Variants in PRR5L observed in about 807,000 individuals in gnomAD.
PRR5L encodes proline-rich protein 5-like.
PRR5L carries 21 observed loss-of-function variants against 36.4 expected under a neutral mutation model. The observed-to-expected ratio is 0.58, with a 90% CI of 0.41 to 0.83. PRR5L has a LOEUF of 0.83. Ranked by LOEUF, PRR5L falls within the 40% of genes least tolerant of loss-of-function variation. The pLI, the probability that PRR5L is intolerant of heterozygous loss-of-function variation, is 0.00. For synonymous variants in PRR5L, 188 were observed against 197.0 expected (o/e 0.95, Z 0.38); for missense variants, 381 against 473.3 (o/e 0.80, Z 1.81).
In PRR5L at chr11:36,377,195, G is replaced by A. The variant is rs150012960; in HGVS notation, c.-125-23802G>A. 9.4e-3 allele frequency among the ~76,000 whole-genome samples: 1,436 copies of A among 152,336 alleles called. 22 individuals are homozygous for A. The highest frequency in any genetic ancestry group is 0.033 in the African/African-American group (1,373 of 41,586). On this transcript the variant is annotated intron_variant, in intron 1 of 8. Coordinates refer to ENST00000530639, the MANE Select transcript of PRR5L (RefSeq NM_001160167.2). The surrounding 1 kb of genome is among the most constrained non-coding windows in gnomAD (Gnocchi z 5.1). ...GGTCCCCCTTTTTCTGGAGGGAGGC[G>A]TGGGAGAGAAGGGCAGGGCAGGGAG...
chr11:36,407,621 G>C (rs543817189), intron 3 of PRR5L, among the ~76,000 whole-genome samples: 1 of 152,284 alleles, frequency 6.6e-6, no homozygotes, highest in African/African-American at 2.4e-5. Context: ...TAAACTTTTT[G>C]ATGGAGTATC....
rs147043805 is a variant in PRR5L at position 36,355,732 on chromosome 11, T to C, written c.-125-45265T>C. Among the ~76,000 whole-genome samples the C allele has an allele frequency of 2.2e-3, 334 of 151,778 alleles. 1 individual carries two copies. Among genetic ancestry groups the C allele is most frequent in the Middle Eastern group, 3.4e-3 (1 of 294 alleles). On this transcript the variant is annotated intron_variant, in intron 1 of 8. Transcript: ENST00000530639. ...GCCCAGCTATTTTTTTTAATTTTTT[T>C]TTAATTTTTTAGTAGAAATAGGGTT... is the stretch of plus-strand genomic sequence containing the variant.
At chr11:36,303,111 G>A (rs971240867) in intron 1 of PRR5L, among the ~76,000 whole-genome samples, 5 of 152,206 alleles carry the variant, frequency 3.3e-5, no homozygotes, top group African/African-American at 1.2e-4. Flanking sequence ...AGAAGGAAGT[G>A]GAGGGAAGCA....
Position 36,463,784 on chromosome 11 carries a change from T to G in PRR5L, c.*1048T>G, listed in dbSNP as rs1191300733. The G allele has an allele frequency of 6.6e-6, 1 of 152,288 alleles. No homozygotes were observed. The highest frequency in any genetic ancestry group is 1.5e-5 in the Non-Finnish European group (1 of 68,026). The allele number at this position is 152,288 out of a possible 1,614,324, so 9.4% of individuals were successfully genotyped here. A position where few individuals can be genotyped will look rare whatever the true frequency, so the allele number is the denominator to read the frequency against. ...TGGTTCAGGATAAAGAGATCCATGG[T>G]GGGCAGGGCTGTTAGGTCACAGAGC... On this transcript the variant is annotated 3_prime_UTR_variant, in exon 9 of 9. Transcript: ENST00000530639.
chr11:36,428,242 G>A (rs1858423238), intron 4 of PRR5L, among the ~76,000 whole-genome samples: 1 of 152,208 alleles, frequency 6.6e-6, no homozygotes, highest in Admixed American at 6.5e-5. Context: ...TGAGGAGGCA[G>A]GGCCATGGGT....
At chr11:36,365,142 C>T (rs748940870) in intron 1 of PRR5L, among the ~76,000 whole-genome samples, 21 of 152,308 alleles carry the variant, frequency 1.4e-4, no homozygotes, top group South Asian at 1.0e-3. Context: ...TCTGTTAGGT[C>T]TCATCATCCC....
intron 1 of PRR5L, among the ~76,000 whole-genome samples, chr11:36,325,115 T>C (rs1177540066): frequency 6.6e-6 from 1 of 152,100 alleles, no homozygotes; most frequent in Non-Finnish European, 1.5e-5. Context: ...TTCCAAAGAA[T>C]GGAATCTTGG....
chr11:36,393,183 C>T (rs1166269924), intron 1 of PRR5L, among the ~76,000 whole-genome samples: 1 of 152,110 alleles, frequency 6.6e-6, no homozygotes, highest in Non-Finnish European at 1.5e-5. Flanking sequence ...CTTTTTAGCT[C>T]AATGTGATCT....
intron 4 of PRR5L, among the ~76,000 whole-genome samples, chr11:36,431,380 C>G (rs1360615673): frequency 6.6e-6 from 1 of 152,208 alleles, no homozygotes; most frequent in Non-Finnish European, 1.5e-5. Context: ...CATTCATTGA[C>G]AGATGCATAT....
chr11:36,440,313 GTTGCTGTCCTTGGCCCGGT>G, intron 6 of PRR5L, among the ~76,000 whole-genome samples: 1 of 152,156 alleles, frequency 6.6e-6, no homozygotes, highest in East Asian at 1.9e-4. Context: ...GTTGTGGCAT[GTTGCTGTCCTTGGCCCGGT>G]TAAACTCACC....
intron 7 of PRR5L, 42 bp downstream of exon 7, chr11:36,446,482 A>C (rs1182095183): frequency 6.2e-7 from 1 of 1,606,546 alleles, no homozygotes; most frequent in Non-Finnish European, 8.5e-7. Flanking sequence ...AGAGGGAGGG[A>C]GCGAGGGAAG....
At chr11:36,346,578 A>G (rs1014839399) in intron 1 of PRR5L, among the ~76,000 whole-genome samples, 1 of 151,798 alleles carries the variant, frequency 6.6e-6, no homozygotes, top group Non-Finnish European at 1.5e-5. Flanking sequence ...GTGAGACTCC[A>G]TCTCAAAGAA....
In PRR5L at chr11:36,451,300, G is replaced by A; in HGVS notation, c.677G>A (p.Gly226Glu). The change falls in exon 8 of 9, where the codon GGG becomes GAG. Residue 226 changes from glycine to glutamate, a missense_variant. Physicochemically the swap from Gly to Glu is moderately conservative, Grantham distance 98. Coordinates refer to ENST00000530639, the MANE Select transcript of PRR5L (RefSeq NM_001160167.2). ...QVVSPFLGIS[G>E]DRSFSGPTYT... ...GTTTCTCCTTTCCTCGGCATCAGCG[G>A]GGACCGTAGCTTCTCAGGCCCCACG... The A allele has an allele frequency of 1.2e-6, 2 of 1,614,208 alleles. No homozygotes were observed. The highest frequency in any genetic ancestry group is 2.2e-5 in the East Asian group (1 of 44,882).
intron 1 of PRR5L, among the ~76,000 whole-genome samples, chr11:36,357,784 T>C (rs1454593260): frequency 6.6e-6 from 1 of 152,198 alleles, no homozygotes; most frequent in African/African-American, 2.4e-5. Context: ...GTGATAAAGA[T>C]GTACAAGGAG....
rs541079651 is a variant in PRR5L at position 36,401,143 on chromosome 11, A to G, written c.22A>G (p.Ile8Val). The change falls in exon 2 of 9, where the codon ATT (isoleucine) becomes GTT (valine). Residue 8 changes from isoleucine (I) to valine (V), a missense_variant. By Grantham distance (29) the Ile-to-Val change is conservative. Transcript: ENST00000530639. MTRGFAP[I>V]LPVEFHKMGS... ...ACTTATGACCCGCGGCTTCGCTCCCATTCTGCCCGTCGAGTTCCACAAGAT... is the reference window on the plus strand; with the variant it reads ...ACTTATGACCCGCGGCTTCGCTCCCGTTCTGCCCGTCGAGTTCCACAAGAT... 3.7e-6 allele frequency: 6 copies of G among 1,614,124 alleles called. No individual in the cohort carries two copies. Among genetic ancestry groups the G allele is most frequent in the Non-Finnish European group, 4.2e-6 (5 of 1,180,010 alleles).
chr11:36,322,740 G>A (rs1325940096), intron 1 of PRR5L, among the ~76,000 whole-genome samples: 2 of 152,192 alleles, frequency 1.3e-5, no homozygotes. Context: ...GCCCCCTGTT[G>A]TGGATTGGAT....
intron 6 of PRR5L, among the ~76,000 whole-genome samples, chr11:36,441,134 C>T (rs554381403): frequency 2.3e-4 from 35 of 152,156 alleles, no homozygotes; most frequent in Non-Finnish European, 3.8e-4. Flanking sequence ...CTTCTCACAT[C>T]GCAAAATACA....
At chr11:36,354,450 G>T (rs1381314644) in intron 1 of PRR5L, among the ~76,000 whole-genome samples, 2 of 152,176 alleles carry the variant, frequency 1.3e-5, no homozygotes, top group Non-Finnish European at 2.9e-5. Context: ...TTTGTTGGTT[G>T]CATCTGCGGT....
At chr11:36,428,372 G>C (rs1167236421) in intron 4 of PRR5L, among the ~76,000 whole-genome samples, 1 of 152,214 alleles carries the variant, frequency 6.6e-6, no homozygotes, top group African/African-American at 2.4e-5. Flanking sequence ...TGCAAGTGGA[G>C]GCCTTCAGAG....
Sources: gnomAD v4.1 joint callset for allele counts (sites outside exome capture counted in the v4.1 genomes callset) on GRCh38, gnomAD v4.1.1 for gene constraint, Gnocchi (gnomAD v3.1) non-coding constraint, MANE v1.5 for transcripts, NCBI Gene and HGNC (gene_info 2026-07-23, HGNC 2026-07-21) for gene names.